The following RPTOR variants were observed in gnomAD, a reference collection of about 807,000 sequenced individuals.
RPTOR encodes regulatory associated protein of MTOR complex 1.
RPTOR carries 21 observed loss-of-function variants against 169.9 expected under a neutral mutation model. That is an observed-to-expected ratio of 0.12 (90% CI 0.09 to 0.18). RPTOR has a LOEUF of 0.18. Ranked by LOEUF, RPTOR falls within the 10% of genes least tolerant of loss-of-function variation. The pLI is 1.00. For missense variants in RPTOR, 1,133 were observed against 1,855.9 expected, an observed-to-expected ratio of 0.61 and a Z score of 7.16; for synonymous variants, 732 against 753.2, an observed-to-expected ratio of 0.97 and a Z score of 0.46.
intron 3 of RPTOR, among the ~76,000 whole-genome samples, chr17:80,668,055 T>C (rs892386355): frequency 1.3e-5 from 2 of 152,170 alleles, no homozygotes; most frequent in Non-Finnish European, 2.9e-5. Flanking sequence ...ACGTCTGGTT[T>C]CAGGCGCGGG....
chr17:80,960,168 A>G lies in RPTOR; in HGVS notation c.3568A>G (p.Ile1190Val). ...LIVAGLGDGS[I>V]RVYDRRMALS... Reference sequence around the variant, plus strand: ...CGTGGCTGGCCTCGGTGACGGCTCCATCCGCGTCTACGACAGAAGGATGGC... The same window carrying G: ...CGTGGCTGGCCTCGGTGACGGCTCCGTCCGCGTCTACGACAGAAGGATGGC... The change falls in exon 30 of 34, where the codon ATC becomes GTC. Residue 1190 changes from isoleucine (I) to valine (V), a missense_variant. Around this residue, in one of 9 missense-constraint regions of RPTOR, gnomAD observed 410 missense variants for 623.7 expected, o/e 0.66. Transcript: ENST00000306801. The surrounding 1 kb of genome is among the most constrained non-coding windows in gnomAD (Gnocchi z 4.8). 1 of 1,613,504 alleles carries G rather than the reference A, an allele frequency of 6.2e-7. No individual in the cohort carries two copies. The highest frequency in any genetic ancestry group is 8.5e-7 in the Non-Finnish European group (1 of 1,179,996).
rs2068231644 is a variant in RPTOR, at chr17:80,885,209, G to A, written c.1983+61G>A. On this transcript the variant is annotated intron_variant, in intron 17 of 33. Transcript: ENST00000306801. ...CCAGGCTGGACCCCGTGACACCTGG[G>A]GCCAAGCCCGCATGGCCCTGACCAC... The A allele has an allele frequency of 3.3e-6, 5 of 1,528,046 alleles. No homozygotes were observed. The Admixed American group carries it at 6.1e-5, about 18-fold the overall frequency. 94.7% of individuals were successfully genotyped at this position (1,528,046 alleles called of 1,614,324 possible).
intron 20 of RPTOR, among the ~76,000 whole-genome samples, chr17:80,906,139 C>T (rs532290247): frequency 1.3e-5 from 2 of 152,090 alleles, no homozygotes; most frequent in African/African-American, 2.4e-5. Context: ...CCAGTGAGGC[C>T]GCATCTCCTC....
chr17:80,921,262 G>T lies in RPTOR; in HGVS notation c.2521-1462G>T, dbSNP rs948098505. ...GCTGGAGCGCAGCCTGGGATGGGCC[G>T]GCGCTCAGGGAATGGCTTGTGCCTG... On this transcript the variant is annotated intron_variant, in intron 21 of 33. Transcript: ENST00000306801. Among the ~76,000 whole-genome samples the T allele has an allele frequency of 2.0e-5, 3 of 152,234 alleles. No homozygotes were observed. In the East Asian group the frequency reaches 5.8e-4, roughly 29 times the overall value.
intron 4 of RPTOR, among the ~76,000 whole-genome samples, chr17:80,714,791 A>G (rs924047210): frequency 1.3e-5 from 2 of 152,108 alleles, no homozygotes; most frequent in Non-Finnish European, 2.9e-5. Flanking sequence ...TGGTGCCATC[A>G]CCACCCACTG....
At chr17:80,951,097 G>A (rs927390989) in intron 28 of RPTOR, among the ~76,000 whole-genome samples, 9 of 126,478 alleles carry the variant, frequency 7.1e-5, no homozygotes, top group African/African-American at 1.5e-4. Flanking sequence ...AGCTGGCCCC[G>A]GGGTCCCTGA....
chr17:80,923,399 G>A, intron 22 of RPTOR, 91 bp from the exon 23 acceptor site: 1 of 1,429,784 alleles, frequency 7.0e-7, no homozygotes, highest in Non-Finnish European at 9.8e-7. Context: ...CACCTGGGAG[G>A]GTGCAGGTGG....
chr17:80,883,584 GT>G, intron 15 of RPTOR, 100 bp downstream of exon 15: 1 of 1,290,096 alleles, frequency 7.8e-7, no homozygotes, highest in Non-Finnish European at 1.1e-6. Context: ...GACAGGGGGT[GT>G]CCAGCAGAGG....
chr17:80,634,268 T>TGCGTACTATGTGC (rs752362424), intron 2 of RPTOR, among the ~76,000 whole-genome samples: 1 of 102,340 alleles, frequency 9.8e-6, no homozygotes, highest in African/African-American at 5.2e-5. Context: ...GCATACCGTG[T>TGCGTACTATGTGC]GTGTGCGTAC....
intron 25 of RPTOR, among the ~76,000 whole-genome samples, chr17:80,942,969 C>T (rs1012051806): frequency 4.6e-5 from 7 of 152,254 alleles, no homozygotes; most frequent in Admixed American, 6.5e-5. Context: ...ACGGTGCTGC[C>T]GCCGCACCAA....
intron 4 of RPTOR, chr17:80,709,153 C>A: frequency 1.1e-6 from 1 of 882,590 alleles, no homozygotes; most frequent in South Asian, 5.2e-5. Context: ...CAGGGCAGTG[C>A]CATCTCTCCC....
At chr17:80,662,067 A>G (rs1383683355) in intron 3 of RPTOR, among the ~76,000 whole-genome samples, 1 of 152,192 alleles carries the variant, frequency 6.6e-6, no homozygotes, top group African/African-American at 2.4e-5. Flanking sequence ...ATTTATGTGT[A>G]GTAAAATGCG....
rs1202200584 is a variant in RPTOR at position 80,863,450 on chromosome 17, G to A, written c.1509+5550G>A. Among the ~76,000 whole-genome samples, 3 of 152,200 alleles carry A rather than the reference G, an allele frequency of 2.0e-5. No homozygotes were observed. In the East Asian group the frequency reaches 5.8e-4, roughly 29 times the overall value. ...AGAACTGCTGCAGGTGTTATCATTA[G>A]CAGGCCAGGACATTAAAAAGTTAGA... is the stretch of plus-strand genomic sequence containing the variant. On this transcript the variant is annotated intron_variant, in intron 13 of 33. Transcript: ENST00000306801.
intron 12 of RPTOR, among the ~76,000 whole-genome samples, chr17:80,855,755 C>T (rs1013462208): frequency 6.6e-6 from 1 of 152,134 alleles, no homozygotes; most frequent in African/African-American, 2.4e-5. Context: ...TGCTGCCTGG[C>T]GTTTGGGGGT....
At chr17:80,589,120 C>T (rs765616788) in intron 1 of RPTOR, among the ~76,000 whole-genome samples, 14 of 152,180 alleles carry the variant, frequency 9.2e-5, no homozygotes, top group South Asian at 2.1e-4. Context: ...TTAATAATCA[C>T]GCCAGTCTAT....
chr17:80,893,298 GGT>G (rs1032401267), intron 19 of RPTOR, among the ~76,000 whole-genome samples: 8 of 149,582 alleles, frequency 5.3e-5, no homozygotes, highest in East Asian at 2.0e-4. Context: ...GTGTGCGCCG[GGT>G]GTGTGTGTGC....
chr17:80,833,016 G>A (rs955016611), intron 9 of RPTOR, among the ~76,000 whole-genome samples: 12 of 152,164 alleles, frequency 7.9e-5, no homozygotes, highest in African/African-American at 2.9e-4. Flanking sequence ...TTGATGCAAA[G>A]TCACCGGGGA....
intron 21 of RPTOR, among the ~76,000 whole-genome samples, chr17:80,920,337 C>A (rs181672532): frequency 1.3e-5 from 2 of 152,314 alleles, no homozygotes; most frequent in African/African-American, 2.4e-5. Flanking sequence ...CCAGGCCAAC[C>A]CCCTGTGGTC....
chr17:80,793,563 C>T (rs2067071215), intron 7 of RPTOR, among the ~76,000 whole-genome samples: 1 of 152,184 alleles, frequency 6.6e-6, no homozygotes, highest in Non-Finnish European at 1.5e-5. Context: ...GCCTCCATCT[C>T]CGTGTGGGAC....
Sources: gnomAD v4.1 joint callset for allele counts (sites outside exome capture counted in the v4.1 genomes callset) on GRCh38, gnomAD v4.1.1 for gene constraint, gnomAD v4.1.1 regional missense constraint, Gnocchi (gnomAD v3.1) non-coding constraint, MANE v1.5 for transcripts, NCBI Gene and HGNC (gene_info 2026-07-23, HGNC 2026-07-21) for gene names.